Variants in PKNOX2 observed in about 807,000 individuals in gnomAD.
PKNOX2 encodes the protein PBX/knotted 1 homeobox 2.
Under a neutral mutation model 53.1 loss-of-function variants are expected in PKNOX2, and 14 were observed. The ratio of observed to expected loss-of-function variants is 0.26; its 90% confidence interval spans 0.17 to 0.41. The LOEUF is 0.41. Among genes scored for constraint, PKNOX2 ranks in the 10% least tolerant of loss-of-function variants. The pLI, the probability that PKNOX2 is intolerant of heterozygous loss-of-function variation, is 1.00. For missense variants in PKNOX2, 496 were observed against 602.8 expected, an observed-to-expected ratio of 0.82 and a Z score of 1.85; for synonymous variants, 257 against 242.8, an observed-to-expected ratio of 1.06 and a Z score of -0.54.
intron 2 of PKNOX2, among the ~76,000 whole-genome samples, chr11:125,270,030 T>G (rs1041462821): frequency 6.6e-6 from 1 of 152,230 alleles, no homozygotes. Context: ...TTTCTGAATA[T>G]TCCACCATCG....
At chr11:125,249,648 C>T (rs755222218) in intron 2 of PKNOX2, among the ~76,000 whole-genome samples, 11 of 152,190 alleles carry the variant, frequency 7.2e-5, no homozygotes, top group East Asian at 3.9e-4. Context: ...ATCACGGATT[C>T]GAGTGTCCAT....
At chr11:125,411,597 G>C (rs1955554280) in intron 9 of PKNOX2, 149 bp from the exon 10 acceptor site, 1 of 1,202,164 alleles carries the variant, frequency 8.3e-7, no homozygotes, top group Non-Finnish European at 1.2e-6. Flanking sequence ...GGCTGGCATG[G>C]GCTGAGAGGG....
intron 2 of PKNOX2, among the ~76,000 whole-genome samples, chr11:125,236,185 C>T (rs931483818): frequency 1.3e-5 from 2 of 152,302 alleles, no homozygotes; most frequent in East Asian, 1.9e-4. Flanking sequence ...CGATGGCTGC[C>T]CGGTGAGTGA....
Position 125,218,906 on chromosome 11 carries a change from G to T in PKNOX2, c.-200-16139G>T, listed in dbSNP as rs189637734. Among the ~76,000 whole-genome samples, 28 of 152,264 alleles carry T rather than the reference G, an allele frequency of 1.8e-4. 1 individual carries two copies. The East Asian group carries it at 4.4e-3, about 24-fold the overall frequency. On this transcript the variant is annotated intron_variant, in intron 1 of 12. Coordinates refer to ENST00000298282, the MANE Select transcript of PKNOX2 (RefSeq NM_001382323.2). ...CTCCATGACATCCACAAGCACCCAG[G>T]TTCTTTCTCTGTCATCCTCTGGATC...
intron 10 of PKNOX2, among the ~76,000 whole-genome samples, chr11:125,414,883 G>A (rs908745118): frequency 6.6e-6 from 1 of 152,162 alleles, no homozygotes; most frequent in African/African-American, 2.4e-5. Flanking sequence ...AATGGACCAA[G>A]AGCAAGTTTT....
chr11:125,165,138 C>A lies in PKNOX2; in HGVS notation c.-201+362C>A, dbSNP rs1954760179. ...GCCGCCCGCTCCCCTGCCCGGCCAG[C>A]GCTCAGCCCCGCCGCCGCCGCCGCC... is the stretch of plus-strand genomic sequence containing the variant. On this transcript the variant is annotated intron_variant, in intron 1 of 12. Coordinates refer to ENST00000298282, the MANE Select transcript of PKNOX2 (RefSeq NM_001382323.2). This position sits in a 1 kb window ranked among gnomAD's most constrained non-coding sequence, Gnocchi z 4.5. Among the ~76,000 whole-genome samples the A allele has an allele frequency of 6.7e-6, 1 of 148,170 alleles. No homozygotes were observed. Among genetic ancestry groups the A allele is most frequent in the Non-Finnish European group, 1.5e-5 (1 of 66,644 alleles).
chr11:125,353,633 G>T (rs1353668838), intron 4 of PKNOX2, among the ~76,000 whole-genome samples: 1 of 152,232 alleles, frequency 6.6e-6, no homozygotes, highest in Non-Finnish European at 1.5e-5. Context: ...TCTCCTCTCT[G>T]AGGATCCGCC....
At chr11:125,326,527 T>C (rs1949828701) in intron 2 of PKNOX2, among the ~76,000 whole-genome samples, 2 of 152,242 alleles carry the variant, frequency 1.3e-5, no homozygotes, top group Admixed American at 1.3e-4. Context: ...CAAGCCATTG[T>C]AGACTTTTGA....
At chr11:125,222,409 T>C (rs1380489248) in intron 1 of PKNOX2, among the ~76,000 whole-genome samples, 1 of 152,172 alleles carries the variant, frequency 6.6e-6, no homozygotes, top group East Asian at 1.9e-4. Flanking sequence ...TTTCATGTGA[T>C]ATTTTTAGTT....
intron 3 of PKNOX2, among the ~76,000 whole-genome samples, chr11:125,333,930 G>A (rs893829630): frequency 6.6e-6 from 1 of 152,116 alleles, no homozygotes; most frequent in South Asian, 2.1e-4. Flanking sequence ...AATAAGTCTC[G>A]TTAATGATCT....
At chr11:125,343,976 C>G (rs1191838579) in intron 3 of PKNOX2, among the ~76,000 whole-genome samples, 1 of 152,160 alleles carries the variant, frequency 6.6e-6, no homozygotes, top group African/African-American at 2.4e-5. Flanking sequence ...CTCTGGGAAA[C>G]CTGGTCGGGC....
chr11:125,291,142 G>A (rs1021149094), intron 2 of PKNOX2, among the ~76,000 whole-genome samples: 1 of 152,122 alleles, frequency 6.6e-6, no homozygotes, highest in Non-Finnish European at 1.5e-5. Context: ...TAGGGGACAG[G>A]GTCACCAGAC....
chr11:125,431,558 C>T lies in PKNOX2; in HGVS notation c.*166C>T. On this transcript the variant is annotated 3_prime_UTR_variant, in exon 13 of 13. Coordinates refer to ENST00000298282, the MANE Select transcript of PKNOX2 (RefSeq NM_001382323.2). ...AGGCAAAGGAGACACCTGTTCCTTC[C>T]CAACCACCGAGCTTCAATGAGGACC... is the stretch of plus-strand genomic sequence containing the variant. The T allele has an allele frequency of 1.3e-6, 1 of 791,522 alleles. No individual in the cohort carries two copies. Among genetic ancestry groups the T allele is most frequent in the Non-Finnish European group, 1.9e-6 (1 of 513,522 alleles). 49.0% of individuals were successfully genotyped at this position (791,522 alleles called of 1,614,324 possible).
At chr11:125,419,079 A>G (rs1342732645) in intron 10 of PKNOX2, among the ~76,000 whole-genome samples, 1 of 151,944 alleles carries the variant, frequency 6.6e-6, no homozygotes, top group Admixed American at 6.5e-5. Context: ...TGGCTGACAT[A>G]GGAATGGCAA....
At chr11:125,383,278 G>T (rs533189567) in intron 5 of PKNOX2, among the ~76,000 whole-genome samples, 2 of 152,198 alleles carry the variant, frequency 1.3e-5, no homozygotes, top group African/African-American at 4.8e-5. Context: ...CTCCGTCACG[G>T]TGTGCTGGAG....
intron 7 of PKNOX2, among the ~76,000 whole-genome samples, chr11:125,399,615 A>T (rs556023932): frequency 6.6e-6 from 1 of 152,272 alleles, no homozygotes; most frequent in South Asian, 2.1e-4. Flanking sequence ...TTAAGTGTTG[A>T]TCTAATTAGA....
intron 5 of PKNOX2, among the ~76,000 whole-genome samples, chr11:125,381,600 G>T (rs1456732369): frequency 6.6e-6 from 1 of 152,118 alleles, no homozygotes; most frequent in Non-Finnish European, 1.5e-5. Flanking sequence ...GACCCTGGCT[G>T]TGGTTCTGCA....
chr11:125,420,533 AAAAG>A (rs772469878), intron 10 of PKNOX2, among the ~76,000 whole-genome samples: 12 of 152,194 alleles, frequency 7.9e-5, no homozygotes, highest in Non-Finnish European at 8.8e-5. Flanking sequence ...CTCAAAAAAA[AAAAG>A]AAGAATGCTA....
At chr11:125,262,902 C>T (rs745885086) in intron 2 of PKNOX2, among the ~76,000 whole-genome samples, 7 of 152,176 alleles carry the variant, frequency 4.6e-5, no homozygotes, top group Non-Finnish European at 7.3e-5. Flanking sequence ...TTTCTATGAT[C>T]CGTTTCCTAG....
Sources: gnomAD v4.1 joint callset for allele counts (sites outside exome capture counted in the v4.1 genomes callset) on GRCh38, gnomAD v4.1.1 for gene constraint, Gnocchi (gnomAD v3.1) non-coding constraint, MANE v1.5 for transcripts, NCBI Gene and HGNC (gene_info 2026-07-23, HGNC 2026-07-21) for gene names.